The following RANBP2 variants were observed in gnomAD, a reference collection of about 807,000 sequenced individuals.
RANBP2 encodes E3 SUMO-protein ligase RanBP2.
A neutral mutation model predicts 303.6 loss-of-function variants in RANBP2; 57 were observed. The observed-to-expected ratio is 0.19, with a 90% CI of 0.15 to 0.23. The LOEUF is 0.23. Ranked by LOEUF, RANBP2 falls within the 10% of genes least tolerant of loss-of-function variation. RANBP2 has a pLI of 1.00. For synonymous variants in RANBP2, 1,167 were observed against 1,301.5 expected (o/e 0.90, Z 2.23); for missense variants, 3,138 against 3,780.8 (o/e 0.83, Z 4.46).
the RANBP2 span, among the ~76,000 whole-genome samples, chr2:109,556,127 G>A: frequency 3.9e-5 from 6 of 152,286 alleles, 1 homozygote; most frequent in African/African-American, 1.4e-4. Context: ...GATTTAACCA[G>A]CATAACCAGC....
the RANBP2 span, chr2:109,544,391 T>C: frequency 1.9e-6 from 3 of 1,539,772 alleles, no homozygotes; most frequent in South Asian, 1.3e-5. Context: ...TTAGCAAACA[T>C]GCATCTAGTA....
At chr2:109,533,124 C>T in the RANBP2 span, among the ~76,000 whole-genome samples, 1 of 152,038 alleles carries the variant, frequency 6.6e-6, no homozygotes, top group Non-Finnish European at 1.5e-5. Context: ...CAGGATAGCA[C>T]AAAGGAGCTC....
the RANBP2 span, chr2:109,124,437 G>A: frequency 3.3e-5 from 5 of 152,268 alleles, no homozygotes; most frequent in African/African-American, 9.7e-5. Flanking sequence ...GCCTCCCAAA[G>A]TTCTGGGATT....
chr2:109,147,523 A>G, the RANBP2 span, among the ~76,000 whole-genome samples: 1 of 152,350 alleles, frequency 6.6e-6, no homozygotes, highest in East Asian at 1.9e-4. Context: ...TGAAGGAATT[A>G]GCACTAAATG....
chr2:109,223,332 C>T, the RANBP2 span, among the ~76,000 whole-genome samples: 35 of 152,296 alleles, frequency 2.3e-4, no homozygotes, highest in South Asian at 1.2e-3. Flanking sequence ...TTCCCAGAGC[C>T]GACAGAGCCA....
the RANBP2 span, among the ~76,000 whole-genome samples, chr2:109,560,135 T>G: frequency 1.3e-5 from 2 of 152,094 alleles, no homozygotes; most frequent in African/African-American, 4.8e-5. Flanking sequence ...TTAGCCAGGA[T>G]AGTCTTGATC....
rs1230885940 is a variant in RANBP2 at position 108,736,117 on chromosome 2, C to G, written c.650C>G (p.Ser217Cys). 2 of 1,611,750 alleles carry G rather than the reference C, an allele frequency of 1.2e-6. No individual in the cohort carries two copies. Among genetic ancestry groups the G allele is most frequent in the African/African-American group, 2.7e-5 (2 of 74,814 alleles). Residue 217 changes from serine to cysteine, a missense_variant, in exon 6 of 29, where the codon TCT becomes TGT. By Grantham distance (112) the Ser-to-Cys change is moderately radical. Around this residue, in one of 20 missense-constraint regions of RANBP2, gnomAD observed 306 missense variants for 381.9 expected, o/e 0.80. Transcript: ENST00000283195. ...TCCACAAAATAGGAATATCTGGAGT[C>G]TTTACAGTGTTTGGAGTCTGATAAA... The part of the protein sequence containing the change: ...VVQTLKEYLE[S>C]LQCLESDKSD...
chr2:109,107,982 T>TG, the RANBP2 span, among the ~76,000 whole-genome samples: 1 of 152,216 alleles, frequency 6.6e-6, no homozygotes, highest in Non-Finnish European at 1.5e-5. Flanking sequence ...CTCCGCTCAC[T>TG]GCAAGCTCCG....
the RANBP2 span, among the ~76,000 whole-genome samples, chr2:109,105,905 G>C: frequency 3.4e-5 from 5 of 145,516 alleles, no homozygotes; most frequent in Admixed American, 3.5e-4. Flanking sequence ...CCAGGCTGGA[G>C]TGCAGTGGCA....
At chr2:108,913,049 C>T in the RANBP2 span, among the ~76,000 whole-genome samples, 303 of 151,252 alleles carry the variant, frequency 2.0e-3, 1 homozygote, top group Middle Eastern at 0.021. Context: ...CCCTGGTTGA[C>T]GCCATTCTCC....
the RANBP2 span, among the ~76,000 whole-genome samples, chr2:109,372,192 T>C: frequency 2.0e-5 from 3 of 152,242 alleles, no homozygotes; most frequent in African/African-American, 7.2e-5. Context: ...CAAAGGTGTT[T>C]TGAGGCTAAT....
chr2:109,158,420 T>C, the RANBP2 span, among the ~76,000 whole-genome samples: 1 of 152,128 alleles, frequency 6.6e-6, no homozygotes, highest in African/African-American at 2.4e-5. Context: ...TCGTGGGTCA[T>C]TGGGCACCAT....
At chr2:108,992,026 C>G in the RANBP2 span, among the ~76,000 whole-genome samples, 1 of 152,142 alleles carries the variant, frequency 6.6e-6, no homozygotes, top group Non-Finnish European at 1.5e-5. Context: ...TCTCGAACTC[C>G]TGACTTCAAG....
chr2:109,129,610 GA>G, the RANBP2 span: 1 of 1,481,516 alleles, frequency 6.7e-7, no homozygotes, highest in Non-Finnish European at 8.9e-7. Context: ...CGAGGGCGAC[GA>G]GGACAGGCCA....
At chr2:109,157,068 C>T in the RANBP2 span, among the ~76,000 whole-genome samples, 1 of 152,172 alleles carries the variant, frequency 6.6e-6, no homozygotes, top group Non-Finnish European at 1.5e-5. Context: ...AAGGGCTCTC[C>T]TTGGTAAACA....
chr2:109,684,750 G>A, the RANBP2 span, among the ~76,000 whole-genome samples: 12 of 150,108 alleles, frequency 8.0e-5, no homozygotes, highest in African/African-American at 2.7e-4. Context: ...GGCCAGGCTG[G>A]ACTTGAACTC....
the RANBP2 span, among the ~76,000 whole-genome samples, chr2:109,085,230 G>C: frequency 6.6e-6 from 1 of 152,190 alleles, no homozygotes; most frequent in South Asian, 2.1e-4. Flanking sequence ...TCCATAGCAG[G>C]GGGCACATCA....
the RANBP2 span, among the ~76,000 whole-genome samples, chr2:109,376,915 G>C: frequency 1.1e-3 from 171 of 152,350 alleles, no homozygotes; most frequent in African/African-American, 4.0e-3. Context: ...CCTGTGCCTA[G>C]ATAGACCCTA....
At chr2:109,401,525 C>T in the RANBP2 span, among the ~76,000 whole-genome samples, 3 of 152,218 alleles carry the variant, frequency 2.0e-5, no homozygotes, top group African/African-American at 7.2e-5. Flanking sequence ...TGACAAGTAT[C>T]TGGCCTGTGT....
Sources: gnomAD v4.1 joint callset for allele counts (sites outside exome capture counted in the v4.1 genomes callset) on GRCh38, gnomAD v4.1.1 for gene constraint, gnomAD v4.1.1 regional missense constraint, MANE v1.5 for transcripts, NCBI Gene and HGNC (gene_info 2026-07-23, HGNC 2026-07-21) for gene names.